The following ANKS1B variants were observed in gnomAD, a reference collection of about 807,000 sequenced individuals.
ANKS1B encodes the protein ankyrin repeat and sterile alpha motif domain-containing protein 1B.
ANKS1B carries 36 observed loss-of-function variants against 148.3 expected under a neutral mutation model. The ratio of observed to expected loss-of-function variants is 0.24; its 90% CI spans 0.19 to 0.32. The LOEUF is 0.32. Among genes scored for constraint, ANKS1B ranks in the 10% least tolerant of loss-of-function variants. The pLI is 1.00. For missense variants in ANKS1B, 1,157 were observed against 1,542.6 expected, an observed-to-expected ratio of 0.75 and a Z score of 4.19; for synonymous variants, 542 against 560.8, an observed-to-expected ratio of 0.97 and a Z score of 0.47.
intron 17 of ANKS1B, among the ~76,000 whole-genome samples, chr12:98,972,334 G>A (rs1488812656): frequency 6.6e-6 from 1 of 152,208 alleles, no homozygotes; most frequent in Non-Finnish European, 1.5e-5. Flanking sequence ...TTTTGAGATA[G>A]GTTTATTCAC....
At chr12:99,444,268 C>T (rs936374488) in intron 10 of ANKS1B, among the ~76,000 whole-genome samples, 16 of 151,912 alleles carry the variant, frequency 1.1e-4, no homozygotes, top group African/African-American at 3.6e-4. Flanking sequence ...CCTCAAATGA[C>T]TTTTCCTAGA....
chr12:99,091,799 A>G (rs2054093111), intron 15 of ANKS1B, among the ~76,000 whole-genome samples: 1 of 84,376 alleles, frequency 1.2e-5, no homozygotes, highest in Non-Finnish European at 2.4e-5. Flanking sequence ...TTCTCACAAT[A>G]ACTCCTATGA....
chr12:98,985,284 A>G (rs1404553185), intron 17 of ANKS1B, among the ~76,000 whole-genome samples: 1 of 152,068 alleles, frequency 6.6e-6, no homozygotes, highest in Non-Finnish European at 1.5e-5. Context: ...GGCTAATTAA[A>G]AAATTTTTTT....
chr12:99,775,922 T>C (rs1256723494), intron 6 of ANKS1B, among the ~76,000 whole-genome samples: 1 of 152,158 alleles, frequency 6.6e-6, no homozygotes. Flanking sequence ...AACCTAAACT[T>C]AAAACATTCT....
chr12:99,967,434 T>C lies in ANKS1B; in HGVS notation c.134+16670A>G, dbSNP rs1226581740. On this transcript the variant is annotated intron_variant, in intron 1 of 26. Transcript: ENST00000683438. ...TTTTCCATTACGGTTTTTTCTTTTC[T>C]TAGAGATTGGGTCTTGCTCTGTTAC... Among the ~76,000 whole-genome samples the C allele has an allele frequency of 5.3e-5, 8 of 152,110 alleles. No homozygotes were observed. The East Asian group carries it at 1.4e-3, about 26-fold the overall frequency.
chr12:99,613,818 G>T (rs948073845), intron 9 of ANKS1B, among the ~76,000 whole-genome samples: 1 of 151,756 alleles, frequency 6.6e-6, no homozygotes, highest in Non-Finnish European at 1.5e-5. Flanking sequence ...GTTTACTTAT[G>T]TAACAAACCT....
At chr12:99,662,613 C>T (rs186549928) in intron 8 of ANKS1B, among the ~76,000 whole-genome samples, 1 of 152,136 alleles carries the variant, frequency 6.6e-6, no homozygotes, top group Non-Finnish European at 1.5e-5. Flanking sequence ...GTCCTTTGTT[C>T]TCTAACTCCA....
Position 98,859,415 on chromosome 12 carries a change from G to C in ANKS1B, c.2779-27279C>G, listed in dbSNP as rs146710532. Among the ~76,000 whole-genome samples the C allele has an allele frequency of 2.4e-4, 36 of 152,292 alleles. 1 individual carries two copies. Among genetic ancestry groups the C allele is most frequent in the African/African-American group, 7.9e-4 (33 of 41,568 alleles). Reference sequence around the variant, plus strand: ...CAACCATTTAATGATGCCAACAAATGAGTTTTACTGTAATTCAGTGCGGGG... The same window carrying C: ...CAACCATTTAATGATGCCAACAAATCAGTTTTACTGTAATTCAGTGCGGGG... On this transcript the variant is annotated intron_variant, in intron 17 of 26. Coordinates refer to ENST00000683438, the MANE Select transcript of ANKS1B (RefSeq NM_001352186.2).
intron 8 of ANKS1B, among the ~76,000 whole-genome samples, chr12:99,672,361 C>A (rs1206251232): frequency 6.6e-6 from 1 of 152,118 alleles, no homozygotes; most frequent in Non-Finnish European, 1.5e-5. Context: ...TACTCTTCAT[C>A]TATGGATTTC....
At chr12:99,453,345 T>C (rs189739555) in intron 10 of ANKS1B, among the ~76,000 whole-genome samples, 20 of 152,022 alleles carry the variant, frequency 1.3e-4, no homozygotes. Context: ...CTTCTGGGAA[T>C]AGGTTATAAA....
rs184601403 is a variant in ANKS1B at position 99,252,284 on chromosome 12, C to T, written c.1757-5420G>A. On this transcript the variant is annotated intron_variant, in intron 12 of 26. Coordinates refer to ENST00000683438, the MANE Select transcript of ANKS1B (RefSeq NM_001352186.2). ...GGTAGGGGATTAGTAGAATGGCTGA[C>T]GATTGAATCAGAGATGCAGGTAGGA... 7.2e-5 allele frequency among the ~76,000 whole-genome samples: 11 copies of T among 152,206 alleles called. No individual in the cohort carries two copies. In the East Asian group the frequency reaches 1.5e-3, roughly 21 times the overall value.
Position 98,801,084 on chromosome 12 carries a change from C to A in ANKS1B, c.3183G>T (p.Pro1061=), listed in dbSNP as rs765947991. ...WGEPSITLRP[P]NEATASTPVQ... ...CCGGGGTAGAGGCTGTGGCTTCATT[C>A]GGAGGTCGCAAGGTAATGGAAGGTT... The change falls in exon 21 of 27, where the codon CCG becomes CCT. Residue 1061 remains proline, a synonymous_variant. Transcript: ENST00000683438. The surrounding 1 kb of genome is among the most constrained non-coding windows in gnomAD (Gnocchi z 5.2). 8 of 1,612,564 alleles carry A rather than the reference C, an allele frequency of 5.0e-6. No homozygotes were observed. In the East Asian group the frequency reaches 1.3e-4, roughly 27 times the overall value.
intron 10 of ANKS1B, among the ~76,000 whole-genome samples, chr12:99,463,151 T>C (rs1165620460): frequency 6.6e-6 from 1 of 152,214 alleles, no homozygotes; most frequent in Non-Finnish European, 1.5e-5. Flanking sequence ...AACAGGCACT[T>C]CACAAAAGAA....
chr12:98,903,000 T>C (rs1055253625), intron 17 of ANKS1B, among the ~76,000 whole-genome samples: 1 of 152,142 alleles, frequency 6.6e-6, no homozygotes, highest in Non-Finnish European at 1.5e-5. Flanking sequence ...ATGATTTTAT[T>C]TTTTTCTCTA....
intron 24 of ANKS1B, among the ~76,000 whole-genome samples, chr12:98,780,194 G>C (rs945607726): frequency 6.6e-6 from 1 of 152,178 alleles, no homozygotes; most frequent in African/African-American, 2.4e-5. Context: ...CCAAAACGGA[G>C]GGGGTCCAGG....
chr12:99,039,474 G>A (rs1228072393), intron 17 of ANKS1B, among the ~76,000 whole-genome samples: 1 of 152,218 alleles, frequency 6.6e-6, no homozygotes, highest in Non-Finnish European at 1.5e-5. Flanking sequence ...GGTCTTCAAG[G>A]AGTTTGGTGT....
intron 14 of ANKS1B, among the ~76,000 whole-genome samples, chr12:99,222,151 GAA>G: frequency 6.6e-6 from 1 of 151,982 alleles, no homozygotes; most frequent in Admixed American, 6.6e-5. Context: ...ATAAAGAGAG[GAA>G]AAATATATTT....
chr12:99,896,046 A>G (rs1335222768), intron 1 of ANKS1B, among the ~76,000 whole-genome samples: 1 of 151,364 alleles, frequency 6.6e-6, no homozygotes, highest in African/African-American at 2.4e-5. Context: ...AATCAAGCCA[A>G]TTAACATATC....
intron 16 of ANKS1B, among the ~76,000 whole-genome samples, chr12:99,065,111 C>T (rs1599298623): frequency 6.6e-6 from 1 of 152,104 alleles, no homozygotes; most frequent in South Asian, 2.1e-4. Context: ...GTGATGTGAA[C>T]TATATTTAGA....
Sources: gnomAD v4.1 joint callset for allele counts (sites outside exome capture counted in the v4.1 genomes callset) on GRCh38, gnomAD v4.1.1 for gene constraint, Gnocchi (gnomAD v3.1) non-coding constraint, MANE v1.5 for transcripts, NCBI Gene and HGNC (gene_info 2026-07-23, HGNC 2026-07-21) for gene names.